DACH2: variants seen among roughly 807,000 people sequenced by gnomAD.
DACH2 encodes dachshund homolog 2.
DACH2 carries 17 observed loss-of-function variants against 35.8 expected under a neutral mutation model. The observed-to-expected ratio is 0.48, with a 90% confidence interval of 0.33 to 0.71. The LOEUF (loss-of-function observed/expected upper bound fraction) is 0.71, where lower values mean the gene tolerates loss of function less well. Among genes scored for constraint, DACH2 ranks in the 30% least tolerant of loss-of-function variants. The pLI, the probability that DACH2 is intolerant of heterozygous loss-of-function variation, is 0.02. For synonymous variants in DACH2, 195 were observed against 177.3 expected, an observed-to-expected ratio of 1.10 and a Z score of -0.79; for missense variants, 469 against 472.7, an observed-to-expected ratio of 0.99 and a Z score of 0.07.
intron 7 of DACH2, among the ~76,000 whole-genome samples, chrX:86,807,656 G>A (rs1398888997): frequency 1.8e-5 from 2 of 112,179 alleles, no homozygotes; most frequent in East Asian, 5.6e-4. Flanking sequence ...GGTGATTTGT[G>A]AAATGGGGTC....
intron 4 of DACH2, among the ~76,000 whole-genome samples, chrX:86,691,576 TAAG>T (rs1346206143): frequency 9.0e-6 from 1 of 111,317 alleles, no homozygotes; most frequent in Non-Finnish European, 1.9e-5. Context: ...GGAGTTCTTA[TAAG>T]AAGAGGAAAC....
At chrX:86,587,197 T>C (rs2039584361) in intron 3 of DACH2, among the ~76,000 whole-genome samples, 1 of 111,599 alleles carries the variant, frequency 9.0e-6, no homozygotes, top group Non-Finnish European at 1.9e-5. Context: ...ATTGCGTTTT[T>C]GATTTGGCTC....
chrX:86,196,679 C>T (rs370462572), intron 1 of DACH2, among the ~76,000 whole-genome samples: 5 of 63,578 alleles, frequency 7.9e-5, no homozygotes, highest in Admixed American at 2.7e-4. Flanking sequence ...GGTGACAAAG[C>T]GAGACTCCAT....
intron 3 of DACH2, among the ~76,000 whole-genome samples, chrX:86,539,121 C>T (rs772744855): frequency 8.6e-4 from 95 of 110,902 alleles, no homozygotes; most frequent in African/African-American, 2.6e-3. Context: ...GGGAGGGACC[C>T]GGCTGGAGAT....
intron 1 of DACH2, among the ~76,000 whole-genome samples, chrX:86,320,864 T>C (rs967238018): frequency 8.9e-6 from 1 of 112,223 alleles, no homozygotes; most frequent in Admixed American, 9.4e-5. Flanking sequence ...CTTTAGCTGG[T>C]TAAAGGCTTT....
intron 1 of DACH2, among the ~76,000 whole-genome samples, chrX:86,301,945 C>T (rs1161586483): frequency 1.8e-5 from 2 of 110,803 alleles, no homozygotes; most frequent in African/African-American, 6.6e-5. Flanking sequence ...TTTACAAAGC[C>T]TTAAAATAAA....
At chrX:86,306,648 G>T (rs1332873661) in intron 1 of DACH2, among the ~76,000 whole-genome samples, 1 of 111,859 alleles carries the variant, frequency 8.9e-6, no homozygotes, top group Non-Finnish European at 1.9e-5. Flanking sequence ...TCCTGTGCTG[G>T]ATGCTTCCTT....
At chrX:86,226,300 T>A (rs750917715) in intron 1 of DACH2, among the ~76,000 whole-genome samples, 76 of 111,818 alleles carry the variant, frequency 6.8e-4, no homozygotes, top group Non-Finnish European at 1.1e-3. Flanking sequence ...AGAAAAGGAC[T>A]TTTAAATGTC....
intron 7 of DACH2, among the ~76,000 whole-genome samples, chrX:86,769,021 T>C (rs1305245094): frequency 9.0e-6 from 1 of 110,882 alleles, no homozygotes; most frequent in Non-Finnish European, 1.9e-5. Context: ...ACTATGCAAA[T>C]CAATAATTTG....
intron 6 of DACH2, among the ~76,000 whole-genome samples, chrX:86,722,917 T>C (rs1250961627): frequency 1.8e-5 from 2 of 111,386 alleles, no homozygotes; most frequent in Non-Finnish European, 3.8e-5. Flanking sequence ...GGATGATTGG[T>C]GTTAGTAGAA....
chrX:86,339,351 G>T (rs750272169), intron 1 of DACH2, among the ~76,000 whole-genome samples: 13 of 111,506 alleles, frequency 1.2e-4, no homozygotes, highest in Middle Eastern at 4.7e-3. Flanking sequence ...AATCTTAAAG[G>T]TTCATTTAGT....
intron 5 of DACH2, among the ~76,000 whole-genome samples, chrX:86,699,931 T>C (rs1392270286): frequency 2.7e-5 from 3 of 111,912 alleles, no homozygotes; most frequent in Non-Finnish European, 5.6e-5. Context: ...AAATAATTTC[T>C]TGATTTCTGC....
intron 2 of DACH2, among the ~76,000 whole-genome samples, chrX:86,389,825 G>A (rs1330370256): frequency 8.9e-6 from 1 of 112,220 alleles, no homozygotes; most frequent in Admixed American, 9.5e-5. Flanking sequence ...CGAATTACTC[G>A]ATAACGAGCT....
At chrX:86,666,312 T>TGAGAGAGAGAGA (rs1556363112) in intron 4 of DACH2, among the ~76,000 whole-genome samples, 1 of 99,935 alleles carries the variant, frequency 1.0e-5, no homozygotes, top group Non-Finnish European at 2.0e-5. Flanking sequence ...TGTGTGTGTG[T>TGAGAGAGAGAGA]GAGAGAGAGA....
intron 2 of DACH2, among the ~76,000 whole-genome samples, chrX:86,389,845 T>C (rs1287116492): frequency 3.6e-5 from 4 of 112,488 alleles, no homozygotes; most frequent in African/African-American, 1.3e-4. Context: ...TTAAGTGTTC[T>C]GCGGTTGTCA....
chrX:86,180,206 A>G (rs1602258989), intron 1 of DACH2, among the ~76,000 whole-genome samples: 1 of 84,238 alleles, frequency 1.2e-5, no homozygotes, highest in South Asian at 5.9e-4. Context: ...ATATATATAT[A>G]TGGTTCTTAT....
intron 1 of DACH2, among the ~76,000 whole-genome samples, chrX:86,371,117 GTC>G (rs2035880891): frequency 9.0e-6 from 1 of 110,792 alleles, no homozygotes; most frequent in South Asian, 3.8e-4. Context: ...AGGATCATCT[GTC>G]AGAGACAATT....
intron 1 of DACH2, among the ~76,000 whole-genome samples, chrX:86,230,387 C>T (rs747130100): frequency 9.0e-6 from 1 of 111,010 alleles, no homozygotes; most frequent in Non-Finnish European, 1.9e-5. Flanking sequence ...ATTCGGTTAG[C>T]TAGTATTTTG....
intron 6 of DACH2, among the ~76,000 whole-genome samples, chrX:86,736,865 C>A (rs2041601957): frequency 9.0e-6 from 1 of 111,437 alleles, no homozygotes; most frequent in Admixed American, 9.6e-5. Context: ...TAGAGATAAA[C>A]ATAGTTCATT....
Sources: gnomAD v4.1 joint callset for allele counts (sites outside exome capture counted in the v4.1 genomes callset) on GRCh38, gnomAD v4.1.1 for gene constraint, MANE v1.5 for transcripts, NCBI Gene and HGNC (gene_info 2026-07-23, HGNC 2026-07-21) for gene names.